The following VPS35L variants were observed in gnomAD, a reference collection of about 807,000 sequenced individuals.
VPS35L encodes the protein VPS35 endosomal protein sorting factor like.
VPS35L carries 83 observed loss-of-function variants against 133.0 expected under a neutral mutation model. The ratio of observed to expected loss-of-function variants is 0.62; its 90% CI spans 0.52 to 0.75. The LOEUF is 0.75. Among genes scored for constraint, VPS35L ranks in the 30% least tolerant of loss-of-function variants. The pLI is 0.00. For missense variants in VPS35L, 1,083 were observed against 1,206.8 expected, an observed-to-expected ratio of 0.90 and a Z score of 1.52; for synonymous variants, 423 against 449.9, an observed-to-expected ratio of 0.94 and a Z score of 0.76.
intron 29 of VPS35L, among the ~76,000 whole-genome samples, chr16:19,696,303 G>T (rs1975908589): frequency 6.6e-6 from 1 of 152,178 alleles, no homozygotes; most frequent in Non-Finnish European, 1.5e-5. Context: ...ACCAGGAAGG[G>T]CCTGGTGGAT....
chr16:19,685,216 G>A (rs533448098), intron 28 of VPS35L, among the ~76,000 whole-genome samples: 4 of 152,184 alleles, frequency 2.6e-5, no homozygotes, highest in Non-Finnish European at 1.5e-5. Context: ...CCCTACTCTC[G>A]AAGACACACC....
At chr16:19,644,440 G>A (rs1237143562) in intron 22 of VPS35L, among the ~76,000 whole-genome samples, 2 of 152,162 alleles carry the variant, frequency 1.3e-5, no homozygotes, top group Non-Finnish European at 2.9e-5. Context: ...GTCTCGTCAT[G>A]TTGCCCAGGT....
intron 27 of VPS35L, among the ~76,000 whole-genome samples, chr16:19,680,940 T>A (rs865885583): frequency 9.6e-4 from 127 of 131,676 alleles, no homozygotes; most frequent in African/African-American, 3.3e-3. Flanking sequence ...AACAGGATGA[T>A]TTGTGATGAA....
chr16:19,674,732 C>A (rs1461054021), intron 27 of VPS35L, among the ~76,000 whole-genome samples: 1 of 152,050 alleles, frequency 6.6e-6, no homozygotes, highest in Non-Finnish European at 1.5e-5. Flanking sequence ...TACCCCCACC[C>A]CCTGCAACCA....
At chr16:19,662,205 A>G (rs1401789683) in intron 26 of VPS35L, among the ~76,000 whole-genome samples, 3 of 152,042 alleles carry the variant, frequency 2.0e-5, no homozygotes, top group Non-Finnish European at 4.4e-5. Context: ...CCTGTCTCAA[A>G]AAATAATAAT....
intron 8 of VPS35L, among the ~76,000 whole-genome samples, chr16:19,592,371 T>C (rs1972072634): frequency 6.6e-6 from 1 of 151,634 alleles, no homozygotes; most frequent in African/African-American, 2.4e-5. Flanking sequence ...TGAGCCACCA[T>C]GCCTGGCCTG....
At chr16:19,587,999 C>G (rs1477262258) in intron 7 of VPS35L, among the ~76,000 whole-genome samples, 1 of 151,872 alleles carries the variant, frequency 6.6e-6, no homozygotes, top group Admixed American at 6.6e-5. Context: ...GGGGTTTCAC[C>G]ATGTTGGCCA....
At chr16:19,596,060 A>G (rs981187226) in intron 8 of VPS35L, among the ~76,000 whole-genome samples, 21 of 151,984 alleles carry the variant, frequency 1.4e-4, no homozygotes, top group African/African-American at 4.6e-4. Context: ...AGGAGAAAAA[A>G]AAAGATATTA....
chr16:19,569,605 G>A lies in VPS35L; in HGVS notation c.285+14G>A, dbSNP rs774148780. On this transcript the variant is annotated intron_variant, in intron 3 of 30. Transcript: ENST00000417362. ...GCAGCTGCCATGGTAATGCACCCCA[G>A]CCATGGTCGTCCAGTGGGGGTTGGT... 1.3e-6 allele frequency: 2 copies of A among 1,520,780 alleles called. No individual in the cohort carries two copies. Among genetic ancestry groups the A allele is most frequent in the South Asian group, 2.6e-5 (2 of 75,724 alleles). 94.2% of individuals were successfully genotyped at this position (1,520,780 alleles called of 1,614,324 possible). A position where few individuals can be genotyped will look rare whatever the true frequency, so the allele number is the denominator to read the frequency against.
intron 28 of VPS35L, among the ~76,000 whole-genome samples, chr16:19,687,397 T>C (rs117082182): frequency 0.011 from 1,654 of 152,322 alleles, 28 homozygotes; most frequent in South Asian, 0.042. Context: ...AATGGCTGAA[T>C]TGAATTCTTC....
At chr16:19,586,228 A>G (rs1468321631) in intron 7 of VPS35L, among the ~76,000 whole-genome samples, 3 of 151,868 alleles carry the variant, frequency 2.0e-5, no homozygotes, top group African/African-American at 7.3e-5. Flanking sequence ...TATATTTTTG[A>G]CACTATTTCT....
chr16:19,650,336 A>G (rs1416383368), intron 24 of VPS35L, 46 bp from the exon 25 acceptor site: 2 of 1,441,714 alleles, frequency 1.4e-6, no homozygotes, highest in Non-Finnish European at 2.0e-6. Context: ...ACTCATCTGA[A>G]TCGGCCATCG....
chr16:19,673,025 C>T (rs1230641357), intron 27 of VPS35L, among the ~76,000 whole-genome samples: 1 of 152,176 alleles, frequency 6.6e-6, no homozygotes, highest in Admixed American at 6.6e-5. Flanking sequence ...GTTCATAGCG[C>T]TGAGACTTTG....
At chr16:19,671,258 C>T (rs1320172826) in intron 27 of VPS35L, among the ~76,000 whole-genome samples, 1 of 152,174 alleles carries the variant, frequency 6.6e-6, no homozygotes, top group Non-Finnish European at 1.5e-5. Flanking sequence ...CACCTGAGGT[C>T]AGGAGTTTGA....
chr16:19,636,050 G>A (rs141097174), intron 19 of VPS35L, among the ~76,000 whole-genome samples: 1 of 152,222 alleles, frequency 6.6e-6, no homozygotes, highest in East Asian at 1.9e-4. Context: ...GATGGGTGTG[G>A]TGGCGTGCAC....
At chr16:19,626,082 A>G (rs1244637393) in intron 14 of VPS35L, 95 bp from the exon 15 acceptor site, 6 of 773,184 alleles carry the variant, frequency 7.8e-6, no homozygotes, top group South Asian at 7.6e-5. Context: ...ATGTGGCTAC[A>G]TTCATTTTAG....
chr16:19,631,559 T>G (rs1228799281), intron 18 of VPS35L, among the ~76,000 whole-genome samples: 1 of 152,224 alleles, frequency 6.6e-6, no homozygotes, highest in Non-Finnish European at 1.5e-5. Flanking sequence ...CTTGTACCCA[T>G]CAATCAGGAA....
intron 24 of VPS35L, 38 bp downstream of exon 24, chr16:19,647,920 A>G (rs1398042338): frequency 1.4e-6 from 2 of 1,476,676 alleles, no homozygotes; most frequent in African/African-American, 1.4e-5. Context: ...CTCTCAGTAA[A>G]TATTTATTGA....
At chr16:19,603,364 C>T (rs929779992) in intron 9 of VPS35L, among the ~76,000 whole-genome samples, 5 of 151,940 alleles carry the variant, frequency 3.3e-5, no homozygotes, top group Non-Finnish European at 7.4e-5. Context: ...TGAGATGTGA[C>T]GTAACTATTA....
Sources: allele counts gnomAD v4.1 joint callset (sites outside exome capture counted in the v4.1 genomes callset), GRCh38; gene constraint gnomAD v4.1.1; transcripts MANE v1.5; gene names NCBI Gene and HGNC (gene_info 2026-07-23, HGNC 2026-07-21).